Variants in ANKRD26 observed in about 807,000 individuals in gnomAD.
ANKRD26 encodes ankyrin repeat domain 26.
In ANKRD26, 141 loss-of-function variants were observed where a neutral mutation model predicts 208.7. The observed-to-expected ratio is 0.68, with a 90% CI of 0.59 to 0.78. The LOEUF (loss-of-function observed/expected upper bound fraction) is 0.78. Ranked by LOEUF, ANKRD26 falls within the 30% of genes least tolerant of loss-of-function variation. ANKRD26 has a pLI of 0.00. For missense variants in ANKRD26, 1,889 were observed against 1,938.7 expected (o/e 0.97, Z 0.48); for synonymous variants, 636 against 660.4 (o/e 0.96, Z 0.57).
At position 27,092,469 on chromosome 10, in the gene ANKRD26, T is replaced by C; in HGVS notation, c.575A>G (p.Gln192Arg). ...PLLLAVSGKK[Q>R]QMVEFLIKKK... is the part of the protein sequence containing the mutation. ...CTTTATTAAAAATTCCACCATTTGCTGCTTTTTTCCACTTACTGCAAGTAA... is the reference window on the plus strand; with the variant it reads ...CTTTATTAAAAATTCCACCATTTGCCGCTTTTTTCCACTTACTGCAAGTAA... The change falls in exon 4 of 34, where the codon CAG becomes CGG. Residue 192 changes from glutamine to arginine, a missense_variant. By Grantham distance (43) the Gln-to-Arg change is conservative. This residue lies in a region of ANKRD26 where 1,272 missense variants were observed against 1,273.8 expected (regional missense o/e 1.00). Transcript: ENST00000376087. 6.2e-7 allele frequency: 1 copy of C among 1,613,832 alleles called. No individual in the cohort carries two copies. Among genetic ancestry groups the C allele is most frequent in the Non-Finnish European group, 8.5e-7 (1 of 1,179,960 alleles).
At chr10:27,072,796 A>G (rs1015110561) in intron 9 of ANKRD26, among the ~76,000 whole-genome samples, 2 of 152,220 alleles carry the variant, frequency 1.3e-5, no homozygotes, top group Non-Finnish European at 2.9e-5. Context: ...GCAACTGTCT[A>G]TGTGCCCAGC....
At chr10:27,004,059 T>C (rs2052789856), downstream of ANKRD26, 2 of 152,228 alleles carry the variant, frequency 1.3e-5, no homozygotes, top group African/African-American at 4.8e-5. Flanking sequence ...GTAATTCCTT[T>C]TATTTAGGAA....
the ANKRD26 span, among the ~76,000 whole-genome samples, chr10:26,953,061 T>A: frequency 6.6e-6 from 1 of 152,316 alleles, no homozygotes; most frequent in Non-Finnish European, 1.5e-5. Context: ...GTTTAAAACA[T>A]AATATTGATT....
At chr10:27,071,749 G>C (rs551104897) in intron 9 of ANKRD26, among the ~76,000 whole-genome samples, 1 of 152,126 alleles carries the variant, frequency 6.6e-6, no homozygotes, top group Non-Finnish European at 1.5e-5. Flanking sequence ...GAGTGTGAAC[G>C]GGAGAGATGG....
chr10:27,053,200 T>C (rs1243731216), intron 16 of ANKRD26, 120 bp downstream of exon 16: 3 of 714,000 alleles, frequency 4.2e-6, no homozygotes, highest in Non-Finnish European at 7.0e-6. Flanking sequence ...TACTAAATAT[T>C]AAATGATGAT....
rs549126392 is a variant in ANKRD26, at chr10:27,037,282, T to G, written c.2601A>C (p.Arg867=). 3 of 1,613,928 alleles carry G rather than the reference T, an allele frequency of 1.9e-6. No homozygotes were observed. The South Asian group carries it at 3.3e-5, about 18-fold the overall frequency. Residue 867 remains arginine, a synonymous_variant, in exon 23 of 34, where the codon CGA becomes CGC. Coordinates refer to ENST00000376087, the MANE Select transcript of ANKRD26 (RefSeq NM_014915.3). ...CTTGTAACATTCTGGCATTCTGTTCTCGAGAAAGTTGCCTCTGAGCGTCAT... is the reference window on the plus strand; with the variant it reads ...CTTGTAACATTCTGGCATTCTGTTCGCGAGAAAGTTGCCTCTGAGCGTCAT... ...ERNDAQRQLS[R]EQNARMLQDG... is the part of the protein sequence containing the mutation.
At chr10:27,080,071 T>C in intron 6 of ANKRD26, 1 of 403,854 alleles carries the variant, frequency 2.5e-6, no homozygotes, top group South Asian at 1.7e-5. Flanking sequence ...GCAGAAGAAT[T>C]GTGTGAACCC....
At chr10:26,989,114 A>G (rs2052442466), downstream of ANKRD26, among the ~76,000 whole-genome samples, 1 of 152,028 alleles carries the variant, frequency 6.6e-6, no homozygotes, top group Non-Finnish European at 1.5e-5. Flanking sequence ...GTTTATCTCA[A>G]CATCTATTGG....
chr10:26,953,954 A>G, the ANKRD26 span, among the ~76,000 whole-genome samples: 2 of 152,250 alleles, frequency 1.3e-5, no homozygotes, highest in African/African-American at 4.8e-5. Flanking sequence ...ATGTGAGAGC[A>G]TCATAAGGGA....
chr10:26,973,456 CTT>C (rs201741411), downstream of ANKRD26, among the ~76,000 whole-genome samples: 1 of 143,062 alleles, frequency 7.0e-6, no homozygotes, highest in Non-Finnish European at 1.5e-5. Context: ...TATATCTTTC[CTT>C]TTTTTTTTTA....
At chr10:27,029,223 T>C in intron 26 of ANKRD26, 63 bp downstream of exon 26, 2 of 1,515,464 alleles carry the variant, frequency 1.3e-6, no homozygotes, top group South Asian at 1.2e-5. Flanking sequence ...ATAATTCTCA[T>C]ACTACACTGC....
chr10:26,998,772 C>T (rs1399843546), intron 4 of ANKRD26, among the ~76,000 whole-genome samples: 2 of 152,136 alleles, frequency 1.3e-5, no homozygotes, highest in African/African-American at 4.8e-5. Flanking sequence ...GAGAGGGTGC[C>T]ATTGGGGCTG....
At chr10:27,083,446 A>C (rs2056002217) in intron 5 of ANKRD26, among the ~76,000 whole-genome samples, 2 of 152,158 alleles carry the variant, frequency 1.3e-5, no homozygotes, top group African/African-American at 2.4e-5. Context: ...TAAACTGGCC[A>C]GGTATGGTGC....
intron 5 of ANKRD26, among the ~76,000 whole-genome samples, chr10:27,085,533 GT>G (rs916293021): frequency 1.3e-5 from 2 of 152,186 alleles, no homozygotes; most frequent in Admixed American, 6.5e-5. Flanking sequence ...ACAAGGAATT[GT>G]TTTTCTGACT....
chr10:27,056,216 C>T (rs144014450), intron 15 of ANKRD26, among the ~76,000 whole-genome samples: 73 of 152,204 alleles, frequency 4.8e-4, no homozygotes, highest in Middle Eastern at 3.4e-3. Flanking sequence ...CTTGCTCTGT[C>T]GCCCAGGTTG....
chr10:26,976,365 C>G (rs893204162), intron 5 of ANKRD26, among the ~76,000 whole-genome samples: 1 of 152,110 alleles, frequency 6.6e-6, no homozygotes, highest in East Asian at 1.9e-4. Context: ...CAGGTGCCCA[C>G]CACCACGCCT....
chr10:27,090,659 G>A (rs2056271510), intron 4 of ANKRD26, among the ~76,000 whole-genome samples: 1 of 152,064 alleles, frequency 6.6e-6, no homozygotes, highest in South Asian at 2.1e-4. Context: ...TCCTTTCATG[G>A]CAAAAACCTA....
chr10:26,965,663 G>A, the ANKRD26 span, among the ~76,000 whole-genome samples: 2 of 152,170 alleles, frequency 1.3e-5, no homozygotes, highest in Admixed American at 6.5e-5. Flanking sequence ...CTTCTGCACA[G>A]CAAAAGAAAC....
At chr10:27,066,465 T>C (rs376310862) in intron 11 of ANKRD26, 22 bp downstream of exon 11, 3 of 1,544,266 alleles carry the variant, frequency 1.9e-6, no homozygotes, top group Non-Finnish European at 1.8e-6. Flanking sequence ...TTTAAAATAA[T>C]AGTAACAACC....
Sources: gnomAD v4.1 joint callset for allele counts (sites outside exome capture counted in the v4.1 genomes callset) on GRCh38, gnomAD v4.1.1 for gene constraint, gnomAD v4.1.1 regional missense constraint, MANE v1.5 for transcripts, NCBI Gene and HGNC (gene_info 2026-07-23, HGNC 2026-07-21) for gene names.